The following EPHA5 variants were observed in gnomAD, a reference collection of about 807,000 sequenced individuals.
EPHA5 encodes ephrin type-A receptor 5.
In EPHA5, 60 loss-of-function variants were observed where a neutral mutation model predicts 105.0. The ratio of observed to expected loss-of-function variants is 0.57; its 90% CI spans 0.46 to 0.71. EPHA5 has a LOEUF of 0.71. Ranked by LOEUF, EPHA5 falls within the 30% of genes least tolerant of loss-of-function variation. The probability of loss-of-function intolerance (pLI) is 0.00; values close to 1 mark genes in which losing one functional copy is unlikely to be tolerated. For synonymous variants in EPHA5, 513 were observed against 449.1 expected (o/e 1.14, Z -1.80); for missense variants, 1,218 against 1,274.7 (o/e 0.96, Z 0.68).
At chr4:65,389,335 A>T (rs1720471784) in intron 8 of EPHA5, among the ~76,000 whole-genome samples, 1 of 152,066 alleles carries the variant, frequency 6.6e-6, no homozygotes, top group African/African-American at 2.4e-5. Flanking sequence ...AGGAAAAATT[A>T]ACATTAATAT....
intron 5 of EPHA5, among the ~76,000 whole-genome samples, chr4:65,438,042 A>G (rs1725651525): frequency 6.6e-6 from 1 of 151,998 alleles, no homozygotes; most frequent in Admixed American, 6.6e-5. Flanking sequence ...ACAGCATCAT[A>G]GTAGGATCAT....
At chr4:65,329,336 T>G (rs1055313412) in intron 16 of EPHA5, among the ~76,000 whole-genome samples, 7 of 151,428 alleles carry the variant, frequency 4.6e-5, no homozygotes, top group African/African-American at 1.5e-4. Flanking sequence ...TCTAAGTTCT[T>G]CATTACCTTT....
At chr4:65,408,643 C>T (rs1300672403) in intron 7 of EPHA5, among the ~76,000 whole-genome samples, 1 of 152,006 alleles carries the variant, frequency 6.6e-6, no homozygotes, top group Non-Finnish European at 1.5e-5. Flanking sequence ...CAATGAGATA[C>T]CATCTCACAG....
At chr4:65,644,806 C>G (rs1420738582) in intron 1 of EPHA5, among the ~76,000 whole-genome samples, 3 of 151,794 alleles carry the variant, frequency 2.0e-5, no homozygotes, top group Admixed American at 6.6e-5. Flanking sequence ...TAAAATAAAT[C>G]AATAACTTAA....
At chr4:65,634,789 C>T (rs1010109707) in intron 2 of EPHA5, among the ~76,000 whole-genome samples, 15 of 151,952 alleles carry the variant, frequency 9.9e-5, no homozygotes, top group Non-Finnish European at 1.8e-4. Flanking sequence ...TTATTAGCCC[C>T]TTCATGCTCA....
At chr4:65,641,620 C>T (rs1000183129) in intron 2 of EPHA5, among the ~76,000 whole-genome samples, 49 of 151,984 alleles carry the variant, frequency 3.2e-4, no homozygotes, top group Admixed American at 9.8e-4. Flanking sequence ...ATTTTGCATT[C>T]GAGTGATACA....
At chr4:65,371,672 G>T (rs890895433) in intron 8 of EPHA5, among the ~76,000 whole-genome samples, 5 of 151,968 alleles carry the variant, frequency 3.3e-5, no homozygotes, top group Non-Finnish European at 7.4e-5. Context: ...TTTATAAATG[G>T]CACTCTTGTG....
intron 2 of EPHA5, among the ~76,000 whole-genome samples, chr4:65,621,945 G>C (rs1393116666): frequency 6.6e-6 from 1 of 152,102 alleles, no homozygotes; most frequent in African/African-American, 2.4e-5. Context: ...ATTAAGATCA[G>C]CACTCTGAGT....
chr4:65,470,311 C>T (rs1031566524), intron 5 of EPHA5, among the ~76,000 whole-genome samples: 1 of 151,930 alleles, frequency 6.6e-6, no homozygotes, highest in African/African-American at 2.4e-5. Context: ...CCCACCTCAG[C>T]CTCCCGAGTA....
intron 2 of EPHA5, among the ~76,000 whole-genome samples, chr4:65,611,719 A>G (rs1361089678): frequency 6.6e-6 from 1 of 152,044 alleles, no homozygotes; most frequent in Non-Finnish European, 1.5e-5. Flanking sequence ...AATCAATTCT[A>G]TATCTCACAT....
At chr4:65,524,237 C>A (rs1048566529) in intron 3 of EPHA5, among the ~76,000 whole-genome samples, 7 of 151,478 alleles carry the variant, frequency 4.6e-5, no homozygotes, top group African/African-American at 1.5e-4. Context: ...TTCAAAGTGA[C>A]CGAATAAAGG....
chr4:65,542,080 A>C (rs1156593290), intron 3 of EPHA5, among the ~76,000 whole-genome samples: 1 of 151,946 alleles, frequency 6.6e-6, no homozygotes, highest in Non-Finnish European at 1.5e-5. Flanking sequence ...GGACACAGCT[A>C]AGGCAGTGTT....
chr4:65,513,567 A>G (rs903544903), intron 3 of EPHA5, among the ~76,000 whole-genome samples: 2 of 151,942 alleles, frequency 1.3e-5, no homozygotes, highest in East Asian at 1.9e-4. Flanking sequence ...TTGTGATCTC[A>G]GTAGAGAGGG....
intron 13 of EPHA5, among the ~76,000 whole-genome samples, chr4:65,349,049 C>T (rs1722570026): frequency 6.6e-6 from 1 of 151,606 alleles, no homozygotes; most frequent in Non-Finnish European, 1.5e-5. Flanking sequence ...CTCCTGACCT[C>T]AAGTGATTCA....
intron 16 of EPHA5, among the ~76,000 whole-genome samples, chr4:65,329,343 C>T (rs376976497): frequency 7.3e-5 from 11 of 151,336 alleles, no homozygotes; most frequent in African/African-American, 2.4e-4. Context: ...TCTTCATTAC[C>T]TTTCAATATT....
intron 1 of EPHA5, among the ~76,000 whole-genome samples, chr4:65,655,887 G>C (rs1749011461): frequency 6.6e-6 from 1 of 152,054 alleles, no homozygotes; most frequent in Admixed American, 6.5e-5. Context: ...TTTATAGAAA[G>C]TTACAAGTCA....
chr4:65,586,443 A>G (rs760656660), intron 3 of EPHA5, among the ~76,000 whole-genome samples: 1 of 151,796 alleles, frequency 6.6e-6, no homozygotes, highest in Non-Finnish European at 1.5e-5. Flanking sequence ...TCATATAATT[A>G]CTAGCAAATA....
chr4:65,488,751 G>A (rs1338927785), intron 5 of EPHA5, among the ~76,000 whole-genome samples: 2 of 152,184 alleles, frequency 1.3e-5, no homozygotes, highest in Admixed American at 6.5e-5. Context: ...ATTCAATGTG[G>A]CTAAGAACAT....
At chr4:65,659,319 GAA>G (rs5858980) in intron 1 of EPHA5, among the ~76,000 whole-genome samples, 1 of 71,612 alleles carries the variant, frequency 1.4e-5, no homozygotes, top group African/African-American at 5.3e-5. Flanking sequence ...TAGAGTAACA[GAA>G]AAAAAAAAAA....
Sources: gnomAD v4.1 joint callset for allele counts (sites outside exome capture counted in the v4.1 genomes callset) on GRCh38, gnomAD v4.1.1 for gene constraint, MANE v1.5 for transcripts, NCBI Gene and HGNC (gene_info 2026-07-23, HGNC 2026-07-21) for gene names.